The following CENPI variants were observed in gnomAD, a reference collection of about 807,000 sequenced individuals.
The protein encoded by CENPI is centromere protein I, also known as FSH primary response 1.
Under a neutral mutation model 60.4 loss-of-function variants are expected in CENPI, and 4 were observed. That is an observed-to-expected ratio of 0.07 (90% confidence interval 0.03 to 0.15). The LOEUF is 0.15. CENPI is among the 10% of genes least tolerant of loss of function. The pLI is 1.00. For synonymous variants in CENPI, 157 were observed against 189.4 expected (o/e 0.83, Z 1.40); for missense variants, 444 against 534.5 (o/e 0.83, Z 1.67).
chrX:101,159,434 T>A (rs980427176), intron 20 of CENPI, among the ~76,000 whole-genome samples: 3 of 110,205 alleles, frequency 2.7e-5, no homozygotes, highest in Non-Finnish European at 5.7e-5. Context: ...AGTGCTGGGA[T>A]TACAGGTGTG....
chrX:101,151,845 A>G (rs2148244889), intron 20 of CENPI, among the ~76,000 whole-genome samples: 1 of 108,731 alleles, frequency 9.2e-6, no homozygotes, highest in South Asian at 3.9e-4. Flanking sequence ...AAAAAAGAAA[A>G]AAAAAAAAAA....
rs1323591549 is a variant in CENPI at position 101,164,091 on chromosome X, A to G, written c.*1124A>G. ...CTTCTAGTAAAATTCGTATCATTTG[A>G]GAAGAATCAAGCTGAATTAATTTTT... is the stretch of plus-strand genomic sequence containing the variant. On this transcript the variant is annotated 3_prime_UTR_variant, in exon 22 of 22. Coordinates refer to ENST00000682095, the MANE Select transcript of CENPI (RefSeq NM_001386188.2). 1.8e-5 allele frequency among the ~76,000 whole-genome samples: 2 copies of G among 110,999 alleles called. No individual in the cohort carries two copies. Among genetic ancestry groups the G allele is most frequent in the Non-Finnish European group, 3.8e-5 (2 of 53,004 alleles).
At chrX:101,101,445 T>C (rs2089415482) in intron 3 of CENPI, 149 bp downstream of exon 3, 2 of 446,766 alleles carry the variant, frequency 4.5e-6, no homozygotes, top group Middle Eastern at 6.2e-4. Context: ...TATATATCAG[T>C]ATGCTAGGCA....
Position 101,140,661 on chromosome X carries a change from C to T in CENPI, c.1471-5C>T, listed in dbSNP as rs1484408838. The T allele has an allele frequency of 4.3e-6, 5 of 1,164,382 alleles. No individual in the cohort carries two copies. The highest frequency in any genetic ancestry group is 5.9e-6 in the Non-Finnish European group (5 of 853,536). ...TGAAATCTTTTTTCATTTTGTCCCC[C>T]TCAGTGTAGTGTGCTTCAGAGTCTG... On this transcript the variant is annotated splice_polypyrimidine_tract_variant and splice_region_variant and intron_variant, in intron 15 of 21. Transcript: ENST00000682095.
At position 101,164,228 on chromosome X, in the gene CENPI, A is replaced by G. The variant is rs1053931310; in HGVS notation, c.*1261A>G. Among the ~76,000 whole-genome samples the G allele has an allele frequency of 1.8e-5, 2 of 111,432 alleles. No individual in the cohort carries two copies. The highest frequency in any genetic ancestry group is 1.9e-4 in the Admixed American group (2 of 10,398). The stretch of plus-strand genomic sequence containing the variant: ...AGAAATCCCACTCGTCCATTGACTC[A>G]TTAATTGATTCAATAAATATTTATT... On this transcript the variant is annotated 3_prime_UTR_variant, in exon 22 of 22. Coordinates refer to ENST00000682095, the MANE Select transcript of CENPI (RefSeq NM_001386188.2).
In CENPI at chrX:101,102,485, TTATA is replaced by T. The variant is rs374865533; in HGVS notation, c.364+83_364+86del. 8.1e-3 allele frequency: 2,894 copies of T among 357,965 alleles called. 97 individuals carry two copies. Among genetic ancestry groups the T allele is most frequent in the Non-Finnish European group, 0.01 (2,223 of 216,853 alleles). The allele number at this position is 357,965 out of a possible 1,213,427, so 29.5% of individuals were successfully genotyped here. A position where few individuals can be genotyped will look rare whatever the true frequency, so the allele number is the denominator to read the frequency against. ...TATTTTTTTCTTTTAAAAATAAATC[TTATA>T]TATATATACACACACACACACACAC... On this transcript the variant is annotated intron_variant, in intron 4 of 21. Coordinates refer to ENST00000682095, the MANE Select transcript of CENPI (RefSeq NM_001386188.2).
chrX:101,179,889 A>C, the CENPI span, among the ~76,000 whole-genome samples: 5 of 111,784 alleles, frequency 4.5e-5, no homozygotes, highest in African/African-American at 1.6e-4. Context: ...TTCTATGTTT[A>C]AATTATTGAG....
intron 15 of CENPI, among the ~76,000 whole-genome samples, chrX:101,134,751 C>T (rs988485833): frequency 7.2e-5 from 8 of 111,285 alleles, no homozygotes; most frequent in African/African-American, 2.0e-4. Flanking sequence ...TGGCTGGGTG[C>T]GGTGGCTCAT....
chrX:101,109,389 G>A (rs1380468556), intron 4 of CENPI, 84 bp from the exon 5 acceptor site: 11 of 796,819 alleles, frequency 1.4e-5, no homozygotes, highest in Non-Finnish European at 2.0e-5. Context: ...CCTAATGTGA[G>A]ATTTTTAGAT....
At chrX:101,102,566 GC>G (rs1343365689) in intron 4 of CENPI, among the ~76,000 whole-genome samples, 155 bp downstream of exon 4, 56 of 105,056 alleles carry the variant, frequency 5.3e-4, no homozygotes, top group African/African-American at 1.9e-3. Flanking sequence ...TCACTATATT[GC>G]CCAGGTTGGT....
Position 101,128,816 on chromosome X carries a change from T to C in CENPI, c.1175T>C (p.Leu392Ser). 1 of 1,209,469 alleles carries C rather than the reference T, an allele frequency of 8.3e-7. No homozygotes were observed. The highest frequency in any genetic ancestry group is 1.1e-6 in the Non-Finnish European group (1 of 893,636). ...EPVLLRFYYWLSQTLQEECIW... is the reference protein window; with the variant it reads ...EPVLLRFYYWSSQTLQEECIW... ...GTCTTGCTGAGGTTTTATTACTGGT[T>C]GAGTCAAACATTACAAGAAGGTAAG... Residue 392 changes from leucine (L) to serine (S), a missense_variant, in exon 12 of 22, where the codon TTG becomes TCG. Physicochemically the swap from Leu to Ser is moderately radical, Grantham distance 145 (BLOSUM62 -2). Coordinates refer to ENST00000682095, the MANE Select transcript of CENPI (RefSeq NM_001386188.2).
In CENPI at chrX:101,147,938, A is replaced by G. The variant is rs1390735767; in HGVS notation, c.1876-5A>G. The stretch of plus-strand genomic sequence containing the variant: ...AGTGACAATTTTTTATTTCTTTCCC[A>G]TTAGACAAAATCAGAGTTCAATTTC... On this transcript the variant is annotated splice_region_variant and splice_polypyrimidine_tract_variant and intron_variant, in intron 19 of 21. Transcript: ENST00000682095. 4 of 1,200,199 alleles carry G rather than the reference A, an allele frequency of 3.3e-6. No homozygotes were observed. The African/African-American group carries it at 5.3e-5, about 16-fold the overall frequency.
Position 101,121,517 on chromosome X carries a change from G to A in CENPI, c.687+733G>A, listed in dbSNP as rs2089678154. On this transcript the variant is annotated intron_variant, in intron 8 of 21. Coordinates refer to ENST00000682095, the MANE Select transcript of CENPI (RefSeq NM_001386188.2). The stretch of plus-strand genomic sequence containing the variant: ...TTGGCCAGGCTGGTCTCGAACTCTT[G>A]ACCTCAGGTGATCTGCCTGCCTCGG... 6.4e-5 allele frequency among the ~76,000 whole-genome samples: 7 copies of A among 109,938 alleles called. No individual in the cohort carries two copies. In the South Asian group the frequency reaches 1.6e-3, roughly 24 times the overall value.
chrX:101,140,603 A>T, intron 15 of CENPI, 63 bp from the exon 16 acceptor site: 1 of 802,238 alleles, frequency 1.2e-6, no homozygotes, highest in Non-Finnish European at 1.9e-6. Context: ...AGCCTCTGTT[A>T]GTTCTGAACA....
intron 15 of CENPI, 104 bp from the exon 16 acceptor site, chrX:101,140,562 G>A (rs1008620191): frequency 1.8e-6 from 1 of 542,032 alleles, no homozygotes; most frequent in Non-Finnish European, 3.1e-6. Context: ...AAAATTTGAT[G>A]TGGTCATCTC....
intron 18 of CENPI, among the ~76,000 whole-genome samples, chrX:101,147,162 A>G (rs1309644386): frequency 1.8e-5 from 2 of 111,332 alleles, no homozygotes; most frequent in African/African-American, 3.3e-5. Flanking sequence ...CCTTTTTTTT[A>G]CATTAGGAAA....
intron 20 of CENPI, among the ~76,000 whole-genome samples, chrX:101,152,043 T>A (rs952506503): frequency 1.8e-5 from 2 of 110,173 alleles, no homozygotes; most frequent in Admixed American, 9.8e-5. Flanking sequence ...CTACTTTACA[T>A]ATCTATGTAT....
intron 4 of CENPI, among the ~76,000 whole-genome samples, chrX:101,105,759 A>T (rs67810277): frequency 0.25 from 27,137 of 110,557 alleles, 2,494 homozygotes; most frequent in East Asian, 0.29. Context: ...TATCTCAGAA[A>T]TTAATGATTA....
At chrX:101,143,887 G>T (rs2089938292) in intron 16 of CENPI, among the ~76,000 whole-genome samples, 1 of 111,408 alleles carries the variant, frequency 9.0e-6, no homozygotes, top group Non-Finnish European at 1.9e-5. Context: ...GCAAAACTGA[G>T]TTTTGATTTG....
Sources: gnomAD v4.1 joint callset for allele counts (sites outside exome capture counted in the v4.1 genomes callset) on GRCh38, gnomAD v4.1.1 for gene constraint, MANE v1.5 for transcripts, NCBI Gene and HGNC (gene_info 2026-07-23, HGNC 2026-07-21) for gene names.